The following ABHD16A variants were observed in gnomAD, a reference collection of about 807,000 sequenced individuals.
ABHD16A encodes the protein abhydrolase domain containing 16A, phospholipase.
Under a neutral mutation model 89.8 loss-of-function variants are expected in ABHD16A, and 47 were observed. The ratio of observed to expected loss-of-function variants is 0.52; its 90% CI spans 0.41 to 0.67. The LOEUF (loss-of-function observed/expected upper bound fraction) is 0.67, where lower values mean the gene tolerates loss of function less well. Ranked by LOEUF, ABHD16A falls within the 30% of genes least tolerant of loss-of-function variation. The pLI is 0.00. For missense variants in ABHD16A, 580 were observed against 734.6 expected (o/e 0.79, Z 2.43); for synonymous variants, 251 against 280.4 (o/e 0.90, Z 1.05).
chr6:31,702,656 G>A lies in ABHD16A; in HGVS notation c.132+494C>T, dbSNP rs933569409. ...AGAATACAATGACTCGGGTCTCCAG[G>A]CTAGGTTGGGCGGGGGTTGAGGGGA... On this transcript the variant is annotated intron_variant, in intron 1 of 19. Transcript: ENST00000395952. The A allele has an allele frequency of 1.8e-5, 27 of 1,537,180 alleles. No individual in the cohort carries two copies. The East Asian group carries it at 5.9e-4, about 34-fold the overall frequency.
rs745961615 is a variant in ABHD16A, at chr6:31,690,247, A to G, written c.908-120T>C. ...GATGCAAATAACTCCAAGCCTTCCC[A>G]GAAATAGGAGATGACACCAGAGGTT... On this transcript the variant is annotated intron_variant, in intron 10 of 19. Transcript: ENST00000395952. The surrounding 1 kb of genome is among the most constrained non-coding windows in gnomAD (Gnocchi z 4.1). 4.2e-6 allele frequency: 4 copies of G among 957,186 alleles called. No homozygotes were observed. The highest frequency in any genetic ancestry group is 4.6e-6 in the Non-Finnish European group (3 of 649,280). The allele number at this position is 957,186 out of a possible 1,614,324, so 59.3% of individuals were successfully genotyped here.
intron 12 of ABHD16A, among the ~76,000 whole-genome samples, 193 bp downstream of exon 12, chr6:31,689,388 T>C (rs1562095375): frequency 6.6e-6 from 1 of 152,194 alleles, no homozygotes; most frequent in East Asian, 1.9e-4. Flanking sequence ...TTCCTTTTAA[T>C]GACTGGGCAC....
chr6:31,702,071 T>A lies in ABHD16A; in HGVS notation c.189+3A>T, dbSNP rs752900404. The A allele has an allele frequency of 1.2e-6, 2 of 1,612,934 alleles. No individual in the cohort carries two copies. Among genetic ancestry groups the A allele is most frequent in the South Asian group, 2.2e-5 (2 of 91,088 alleles). ...AGAGTCCCAGATGCCAGGGTAGACA[T>A]ACCAGTGCCAGGATGCTGTCAGCAT... is the stretch of plus-strand genomic sequence containing the variant. On this transcript the variant is annotated splice_donor_region_variant and intron_variant, in intron 2 of 19. Transcript: ENST00000395952.
chr6:31,688,235 T>A lies in ABHD16A; in HGVS notation c.1307+14A>T. On this transcript the variant is annotated intron_variant, in intron 15 of 19. Transcript: ENST00000395952. This position sits in a 1 kb window ranked among gnomAD's most constrained non-coding sequence, Gnocchi z 4.9. ...CTCTGGGGTTCCTGAGGGCCGAGAT[T>A]CCCACGCACTCACGTGGTGGTGATG... The A allele has an allele frequency of 6.2e-7, 1 of 1,612,242 alleles. No individual in the cohort carries two copies.
intron 1 of ABHD16A, chr6:31,702,551 AG>A: frequency 7.3e-7 from 1 of 1,376,614 alleles, no homozygotes; most frequent in South Asian, 1.7e-5. Flanking sequence ...GGCAGTTTGT[AG>A]GAGACAGTAA....
At chr6:31,695,010 C>T (rs1182366539) in intron 5 of ABHD16A, among the ~76,000 whole-genome samples, 1 of 152,128 alleles carries the variant, frequency 6.6e-6, no homozygotes, top group Non-Finnish European at 1.5e-5. Context: ...GGTAATAATG[C>T]CACCTCACTC....
At chr6:31,689,422 G>A (rs548674122) in intron 12 of ABHD16A, among the ~76,000 whole-genome samples, 159 bp downstream of exon 12, 2 of 152,252 alleles carry the variant, frequency 1.3e-5, no homozygotes, top group South Asian at 4.1e-4. Flanking sequence ...AAGGTGAAGT[G>A]TATGCAAATA....
In ABHD16A at chr6:31,687,905, G is replaced by T; in HGVS notation, c.1371-5C>A. The stretch of plus-strand genomic sequence containing the variant: ...TCTGCCATCACCCGGGGATACCTAC[G>T]GAGGAAGTGCCAGGACAGGTCAGGG... On this transcript the variant is annotated splice_polypyrimidine_tract_variant and splice_region_variant and intron_variant, in intron 16 of 19. Transcript: ENST00000395952. This position sits in a 1 kb window ranked among gnomAD's most constrained non-coding sequence, Gnocchi z 6.3. The T allele has an allele frequency of 1.2e-6, 2 of 1,612,718 alleles. No individual in the cohort carries two copies. Among genetic ancestry groups the T allele is most frequent in the Non-Finnish European group, 1.7e-6 (2 of 1,180,008 alleles).
Position 31,688,619 on chromosome 6 carries a change from G to A in ABHD16A, c.1250+104C>T. ...AGGGTCACTCAGGATGTGAGCCAGT[G>A]GCCTTTTACCAACTTGCACTTTAGT... On this transcript the variant is annotated intron_variant, in intron 14 of 19. Coordinates refer to ENST00000395952, the MANE Select transcript of ABHD16A (RefSeq NM_021160.3). The surrounding 1 kb of genome is among the most constrained non-coding windows in gnomAD (Gnocchi z 4.9). The A allele has an allele frequency of 1.5e-6, 2 of 1,336,294 alleles. No homozygotes were observed. The highest frequency in any genetic ancestry group is 2.1e-6 in the Non-Finnish European group (2 of 950,538). The allele number at this position is 1,336,294 out of a possible 1,614,324, so 82.8% of individuals were successfully genotyped here. A position where few individuals can be genotyped will look rare whatever the true frequency, so the allele number is the denominator to read the frequency against.
At chr6:31,697,143 G>T in intron 4 of ABHD16A, 110 bp from the exon 5 acceptor site, 1 of 991,052 alleles carries the variant, frequency 1.0e-6, no homozygotes, top group Non-Finnish European at 1.5e-6. Context: ...AAGAAAAAGT[G>T]AAAGAAAAAG....
At position 31,702,573 on chromosome 6, in the gene ABHD16A, C is replaced by G. The variant is rs759862471; in HGVS notation, c.133-443G>C. On this transcript the variant is annotated intron_variant, in intron 1 of 19. Coordinates refer to ENST00000395952, the MANE Select transcript of ABHD16A (RefSeq NM_021160.3). ...TGTAGGAGACAGTAACACAATGAGA[C>G]AACTGATAAAAAGGAAGAGAATATT... is the stretch of plus-strand genomic sequence containing the variant. 6.3e-6 allele frequency: 9 copies of G among 1,418,172 alleles called. No individual in the cohort carries two copies. In the South Asian group the frequency reaches 1.3e-4, roughly 20 times the overall value. The allele number at this position is 1,418,172 out of a possible 1,614,324, so 87.8% of individuals were successfully genotyped here.
chr6:31,694,387 C>CTTTTTTTT (rs1190272819), intron 5 of ABHD16A, among the ~76,000 whole-genome samples: 1,606 of 77,636 alleles, frequency 0.021, 180 homozygotes, highest in South Asian at 0.066. Context: ...GGAGCTGTGT[C>CTTTTTTTT]TTTTTTTTTT....
At chr6:31,692,089 T>C in intron 7 of ABHD16A, 171 bp from the exon 8 acceptor site, 2 of 574,386 alleles carry the variant, frequency 3.5e-6, no homozygotes, top group Middle Eastern at 9.3e-4. Flanking sequence ...GCTAGTGTTT[T>C]GCAAACTTTT....
intron 2 of ABHD16A, 140 bp from the exon 3 acceptor site, chr6:31,701,480 C>T (rs765443581): frequency 8.6e-6 from 6 of 696,996 alleles, no homozygotes; most frequent in Non-Finnish European, 1.5e-5. Context: ...ACCATGAATA[C>T]AGTAGGTGCT....
intron 1 of ABHD16A, chr6:31,702,933 G>A: frequency 7.7e-7 from 1 of 1,290,834 alleles, no homozygotes. Flanking sequence ...AAGAGTGGCA[G>A]TCGGAATGAG....
chr6:31,696,343 A>C (rs1403056594), intron 5 of ABHD16A, among the ~76,000 whole-genome samples: 4 of 149,312 alleles, frequency 2.7e-5, no homozygotes, highest in African/African-American at 7.4e-5. Flanking sequence ...AAGAAAAAAA[A>C]AAAAAGAGGC....
chr6:31,689,144 G>T, intron 12 of ABHD16A, 25 bp from the exon 13 acceptor site: 1 of 1,601,388 alleles, frequency 6.2e-7, no homozygotes, highest in Non-Finnish European at 8.5e-7. Context: ...GGGAAGAAGA[G>T]TAAGAACTGA....
chr6:31,699,183 G>C (rs970480927), intron 4 of ABHD16A, among the ~76,000 whole-genome samples: 3 of 151,830 alleles, frequency 2.0e-5, no homozygotes, highest in Admixed American at 2.0e-4. Flanking sequence ...GAGGCGGGTG[G>C]ATCACGAGGT....
intron 4 of ABHD16A, among the ~76,000 whole-genome samples, chr6:31,699,471 A>G (rs1804720397): frequency 1.3e-5 from 2 of 149,526 alleles, no homozygotes; most frequent in African/African-American, 2.6e-5. Flanking sequence ...TACCTCAAAC[A>G]TGCACATCCC....
Sources: gnomAD v4.1 joint callset for allele counts (sites outside exome capture counted in the v4.1 genomes callset) on GRCh38, gnomAD v4.1.1 for gene constraint, Gnocchi (gnomAD v3.1) non-coding constraint, MANE v1.5 for transcripts, NCBI Gene and HGNC (gene_info 2026-07-23, HGNC 2026-07-21) for gene names.